PSD3: variants seen among roughly 807,000 people sequenced by gnomAD.
PSD3 encodes pleckstrin and Sec7 domain containing 3, also known as PH and SEC7 domain-containing protein 3.
A neutral mutation model predicts 105.5 loss-of-function variants in PSD3; 49 were observed. The ratio of observed to expected loss-of-function variants is 0.46; its 90% CI spans 0.37 to 0.59. PSD3 has a LOEUF of 0.59. Among genes scored for constraint, PSD3 ranks in the 20% least tolerant of loss-of-function variants. PSD3 has a pLI of 0.00. For missense variants in PSD3, 1,561 were observed against 1,263.8 expected, an observed-to-expected ratio of 1.24 and a Z score of -3.57; for synonymous variants, 557 against 457.8, an observed-to-expected ratio of 1.22 and a Z score of -2.77.
At chr8:18,552,490 G>T (rs566348186) in intron 15 of PSD3, among the ~76,000 whole-genome samples, 14 of 152,234 alleles carry the variant, frequency 9.2e-5, no homozygotes, top group African/African-American at 2.9e-4. Context: ...TGTGTCTTAA[G>T]GGGCCCAGGT....
At chr8:18,633,909 C>T (rs1807074296) in intron 10 of PSD3, among the ~76,000 whole-genome samples, 1 of 152,076 alleles carries the variant, frequency 6.6e-6, no homozygotes, top group Non-Finnish European at 1.5e-5. Context: ...CTTTTCTCTG[C>T]AGCCCCACTG....
In PSD3 at chr8:18,799,349, T is replaced by C. The variant is rs35326457; in HGVS notation, c.2028A>G (p.Gly676=). The change falls in exon 8 of 16, where the codon GGA becomes GGG. Residue 676 remains glycine (G), a synonymous_variant. Coordinates refer to ENST00000327040, the MANE Select transcript of PSD3 (RefSeq NM_015310.4). The part of the protein sequence containing the change: ...CNPDTIASQD[G]VHCLTCAIML... ...TTATTGCACAGGTAAGGCAATGGAC[T>C]CCATCTAAAGAAAGATACAAGAAAA... 88 of 1,601,114 alleles carry C rather than the reference T, an allele frequency of 5.5e-5. No individual in the cohort carries two copies. In the African/African-American group the frequency reaches 1.1e-3, roughly 20 times the overall value.
chr8:19,023,423 A>C (rs371159562), intron 1 of PSD3, among the ~76,000 whole-genome samples: 1 of 128,236 alleles, frequency 7.8e-6, no homozygotes, highest in Non-Finnish European at 1.7e-5. Flanking sequence ...TTATTTATTT[A>C]TTTATTTATT....
chr8:18,823,849 C>T (rs1812954236), intron 4 of PSD3, among the ~76,000 whole-genome samples: 1 of 151,962 alleles, frequency 6.6e-6, no homozygotes, highest in Non-Finnish European at 1.5e-5. Context: ...TCCTAATACG[C>T]TGACAAGGCG....
intron 9 of PSD3, among the ~76,000 whole-genome samples, chr8:18,696,632 T>C (rs536417213): frequency 1.3e-5 from 2 of 152,352 alleles, no homozygotes; most frequent in Admixed American, 6.5e-5. Context: ...TAGTACATTA[T>C]AATAAGTATC....
intron 1 of PSD3, among the ~76,000 whole-genome samples, chr8:19,027,128 T>TGTTTCTGAA (rs1257319632): frequency 6.6e-6 from 1 of 152,174 alleles, no homozygotes; most frequent in Non-Finnish European, 1.5e-5. Flanking sequence ...TCTGTACATT[T>TGTTTCTGAA]GTTTCTGAAA....
At chr8:18,602,159 A>G (rs1393491610) in intron 11 of PSD3, among the ~76,000 whole-genome samples, 1 of 152,150 alleles carries the variant, frequency 6.6e-6, no homozygotes, top group African/African-American at 2.4e-5. Flanking sequence ...CCGAGCCCTA[A>G]AACTAATTTA....
At chr8:18,801,982 G>A (rs901936783) in intron 6 of PSD3, among the ~76,000 whole-genome samples, 9 of 151,928 alleles carry the variant, frequency 5.9e-5, no homozygotes, top group African/African-American at 1.7e-4. Context: ...AACAAAGACC[G>A]CTTAAGACTC....
intron 1 of PSD3, among the ~76,000 whole-genome samples, chr8:18,993,389 A>T (rs1825908776): frequency 6.7e-6 from 1 of 149,582 alleles, no homozygotes; most frequent in Admixed American, 6.6e-5. Flanking sequence ...CAATAAAATA[A>T]TTCTCAGAGT....
chr8:18,816,827 C>T (rs573087115), intron 4 of PSD3, among the ~76,000 whole-genome samples: 1 of 149,838 alleles, frequency 6.7e-6, no homozygotes, highest in Admixed American at 6.8e-5. Flanking sequence ...AGATGAAAGT[C>T]CTTGCTTTCA....
intron 9 of PSD3, among the ~76,000 whole-genome samples, chr8:18,752,601 T>A (rs13262834): frequency 0.1 from 8,442 of 83,328 alleles, 1,191 homozygotes; most frequent in African/African-American, 0.33. Flanking sequence ...TATTATATAT[T>A]ATATATAATA....
rs181365323 is a variant in PSD3 at position 18,617,161 on chromosome 8, C to A, written c.2410+15452G>T. Among the ~76,000 whole-genome samples the A allele has an allele frequency of 3.3e-5, 5 of 152,276 alleles. No homozygotes were observed. In the East Asian group the frequency reaches 9.7e-4, roughly 29 times the overall value. ...AAGTTTTTTTCCTGGATGACCCCTA[C>A]AGTATAGAACCTTCTAATCATTTTA... On this transcript the variant is annotated intron_variant, in intron 11 of 15. Transcript: ENST00000327040.
chr8:18,704,842 C>T (rs1236103337), intron 9 of PSD3, among the ~76,000 whole-genome samples: 1 of 151,428 alleles, frequency 6.6e-6, no homozygotes, highest in Non-Finnish European at 1.5e-5. Flanking sequence ...GCATATACGA[C>T]AAAGGTAATA....
intron 1 of PSD3, among the ~76,000 whole-genome samples, chr8:19,054,760 G>T (rs940699571): frequency 6.6e-6 from 1 of 152,080 alleles, no homozygotes; most frequent in Non-Finnish European, 1.5e-5. Flanking sequence ...CAAATTTATC[G>T]CTTGATAACA....
At chr8:18,995,322 C>G (rs1826019279) in intron 1 of PSD3, among the ~76,000 whole-genome samples, 1 of 152,046 alleles carries the variant, frequency 6.6e-6, no homozygotes, top group Non-Finnish European at 1.5e-5. Flanking sequence ...TATCTAATTA[C>G]TAAACAAAAC....
intron 2 of PSD3, among the ~76,000 whole-genome samples, chr8:18,933,054 C>A (rs1426463223): frequency 1.3e-5 from 2 of 152,162 alleles, no homozygotes; most frequent in Non-Finnish European, 2.9e-5. Context: ...GTCTTTGCAC[C>A]TTCAATGTGC....
chr8:18,575,278 T>C lies in PSD3; in HGVS notation c.2489A>G (p.Tyr830Cys). Residue 830 changes from tyrosine to cysteine, a missense_variant, in exon 13 of 16, where the codon TAC (tyrosine) becomes TGC (cysteine). Coordinates refer to ENST00000327040, the MANE Select transcript of PSD3 (RefSeq NM_015310.4). ...GTVLYLQKDEYKPEKALSEED... is the reference protein window; with the variant it reads ...GTVLYLQKDECKPEKALSEED... Reference sequence around the variant, plus strand: ...TTCAGACAAGGCCTTTTCTGGCTTGTATTCATCCTATAGATGGACACAAAG... The same window carrying C: ...TTCAGACAAGGCCTTTTCTGGCTTGCATTCATCCTATAGATGGACACAAAG... The C allele has an allele frequency of 6.2e-7, 1 of 1,604,852 alleles. No homozygotes were observed.
chr8:18,968,879 C>CAAAAAAAAAAAAAAAAAAAAAAAAA (rs10597134), intron 1 of PSD3, among the ~76,000 whole-genome samples: 1 of 71,722 alleles, frequency 1.4e-5, no homozygotes, highest in African/African-American at 5.5e-5. Flanking sequence ...AAAATGTCTC[C>CAAAAAAAAAAAAAAAAAAAAAAAAA]AAAAAAAAAA....
At chr8:18,914,653 CAAGA>C (rs1479150024) in intron 2 of PSD3, among the ~76,000 whole-genome samples, 1 of 151,994 alleles carries the variant, frequency 6.6e-6, no homozygotes, top group Non-Finnish European at 1.5e-5. Context: ...TAAATCTGAC[CAAGA>C]GAGTGAATGA....
Sources: allele counts gnomAD v4.1 joint callset (sites outside exome capture counted in the v4.1 genomes callset), GRCh38; gene constraint gnomAD v4.1.1; transcripts MANE v1.5; gene names NCBI Gene and HGNC (gene_info 2026-07-23, HGNC 2026-07-21).